Variants in DNER observed in about 807,000 individuals in gnomAD.
DNER encodes the protein delta and Notch-like epidermal growth factor-related receptor.
In DNER, 33 loss-of-function variants were observed where a neutral mutation model predicts 78.2. That is an observed-to-expected ratio of 0.42 (90% CI 0.32 to 0.56). DNER has a LOEUF of 0.56. DNER is among the 20% of genes least tolerant of loss of function. DNER has a pLI of 0.11. For synonymous variants in DNER, 417 were observed against 384.8 expected, an observed-to-expected ratio of 1.08 and a Z score of -0.98; for missense variants, 918 against 975.3, an observed-to-expected ratio of 0.94 and a Z score of 0.78.
intron 5 of DNER, among the ~76,000 whole-genome samples, chr2:229,530,803 A>AAG (rs1696286796): frequency 6.6e-6 from 1 of 152,240 alleles, no homozygotes; most frequent in Admixed American, 6.5e-5. Flanking sequence ...CTTAGCCTTC[A>AAG]AATGCTCATT....
At chr2:229,415,689 T>G (rs1264175283) in intron 9 of DNER, among the ~76,000 whole-genome samples, 1 of 152,248 alleles carries the variant, frequency 6.6e-6, no homozygotes, top group East Asian at 1.9e-4. Flanking sequence ...CGATGCTTAT[T>G]AAGGTACTTA....
At chr2:229,460,074 G>A (rs1694661339) in intron 7 of DNER, among the ~76,000 whole-genome samples, 1 of 146,732 alleles carries the variant, frequency 6.8e-6, no homozygotes, top group African/African-American at 2.5e-5. Context: ...GGAGAATGGC[G>A]TGAACCTGGG....
intron 1 of DNER, among the ~76,000 whole-genome samples, chr2:229,674,374 G>T (rs1220227862): frequency 6.6e-6 from 1 of 152,186 alleles, no homozygotes; most frequent in African/African-American, 2.4e-5. Context: ...CGCCTCCTGG[G>T]TTTAAGCGAT....
At chr2:229,671,324 C>G (rs1049422927) in intron 1 of DNER, among the ~76,000 whole-genome samples, 7 of 152,170 alleles carry the variant, frequency 4.6e-5, no homozygotes, top group Non-Finnish European at 1.0e-4. Context: ...CAAGCTTGTC[C>G]TCACTCAGGG....
chr2:229,492,950 C>A (rs372865620), intron 6 of DNER, among the ~76,000 whole-genome samples: 3 of 152,254 alleles, frequency 2.0e-5, no homozygotes, highest in South Asian at 4.1e-4. Context: ...GGATTAGAGA[C>A]CTGAGCCACC....
At chr2:229,710,439 A>T (rs1699892320) in intron 1 of DNER, among the ~76,000 whole-genome samples, 1 of 152,136 alleles carries the variant, frequency 6.6e-6, no homozygotes, top group Non-Finnish European at 1.5e-5. Context: ...TGGGACAGTC[A>T]CTTCACTTTT....
intron 7 of DNER, among the ~76,000 whole-genome samples, chr2:229,448,152 G>T (rs1694377799): frequency 6.6e-6 from 1 of 151,610 alleles, no homozygotes; most frequent in Non-Finnish European, 1.5e-5. Context: ...AAACAAAAGT[G>T]ATCTACCCAC....
chr2:229,496,820 A>T (rs946480715), intron 6 of DNER, among the ~76,000 whole-genome samples: 1 of 152,236 alleles, frequency 6.6e-6, no homozygotes, highest in African/African-American at 2.4e-5. Context: ...ATATTAATAT[A>T]TCTGAAGGAA....
rs61031913 is a variant in DNER, at chr2:229,499,618, G to GAA, written c.1147+13163_1147+13164dup. Among the ~76,000 whole-genome samples, 48 of 145,054 alleles carry GAA rather than the reference G, an allele frequency of 3.3e-4. 1 individual carries two copies. Among genetic ancestry groups the GAA allele is most frequent in the East Asian group, 1.4e-3 (7 of 4,902 alleles). ...ATATCAGACCTGAAACTGTTAAACA[G>GAA]AAAAAAAAAAATAGAAGAGCTCTGT... On this transcript the variant is annotated intron_variant, in intron 6 of 12. Transcript: ENST00000341772.
intron 9 of DNER, among the ~76,000 whole-genome samples, chr2:229,410,445 G>C (rs1015776601): frequency 1.3e-5 from 2 of 152,190 alleles, no homozygotes; most frequent in Non-Finnish European, 2.9e-5. Flanking sequence ...CACAGGTGAG[G>C]CTGCCAGAGG....
At chr2:229,665,926 A>G (rs186432631) in intron 1 of DNER, among the ~76,000 whole-genome samples, 1 of 152,034 alleles carries the variant, frequency 6.6e-6, no homozygotes, top group African/African-American at 2.4e-5. Context: ...TCTCAACTCA[A>G]TTCCAATCAC....
intron 3 of DNER, chr2:229,586,897 T>A (rs549915199): frequency 1.0e-6 from 1 of 985,486 alleles, no homozygotes; most frequent in African/African-American, 1.7e-5. Flanking sequence ...TCAGTAAAGC[T>A]TTGATCAGTG....
chr2:229,588,706 C>G (rs1697545501), intron 2 of DNER, among the ~76,000 whole-genome samples: 1 of 152,192 alleles, frequency 6.6e-6, no homozygotes, highest in Non-Finnish European at 1.5e-5. Flanking sequence ...TGAGAGCAAT[C>G]TACAAATTCC....
At chr2:229,404,401 T>C (rs1693336547) in intron 10 of DNER, among the ~76,000 whole-genome samples, 1 of 145,662 alleles carries the variant, frequency 6.9e-6, no homozygotes, top group East Asian at 1.9e-4. Context: ...CAGCTACTTA[T>C]AAAACCATCA....
chr2:229,706,490 G>A (rs1002284037), intron 1 of DNER, among the ~76,000 whole-genome samples: 3 of 150,632 alleles, frequency 2.0e-5, no homozygotes, highest in African/African-American at 7.4e-5. Context: ...TTGAATATGA[G>A]AGGTGGAGGC....
intron 6 of DNER, among the ~76,000 whole-genome samples, chr2:229,510,243 C>T (rs745701754): frequency 2.6e-5 from 4 of 152,188 alleles, no homozygotes; most frequent in Non-Finnish European, 5.9e-5. Flanking sequence ...GGATTTCAAT[C>T]GTTGTTCAAA....
Position 229,567,948 on chromosome 2 carries a change from C to T in DNER, c.847+17910G>A, listed in dbSNP as rs780819700. On this transcript the variant is annotated intron_variant, in intron 4 of 12. Transcript: ENST00000341772. ...CAATGCAGCAAATTAAAAATTCAATCCCTCTCCCTCACAGTCTTTACTGTC... is the reference window on the plus strand; with the variant it reads ...CAATGCAGCAAATTAAAAATTCAATTCCTCTCCCTCACAGTCTTTACTGTC... Among the ~76,000 whole-genome samples, 30 of 152,290 alleles carry T rather than the reference C, an allele frequency of 2.0e-4. 1 individual carries two copies. The highest frequency in any genetic ancestry group is 6.8e-3 in the Middle Eastern group (2 of 294).
At chr2:229,600,410 G>A (rs920233022) in intron 1 of DNER, among the ~76,000 whole-genome samples, 2 of 152,324 alleles carry the variant, frequency 1.3e-5, no homozygotes, top group African/African-American at 4.8e-5. Flanking sequence ...AAAACAGGTA[G>A]GTGGGGGTCA....
At chr2:229,492,511 T>C (rs1333651971) in intron 6 of DNER, among the ~76,000 whole-genome samples, 1 of 152,146 alleles carries the variant, frequency 6.6e-6, no homozygotes, top group Non-Finnish European at 1.5e-5. Flanking sequence ...GACTCAAAGA[T>C]GGGCCCCGAG....
Sources: gnomAD v4.1 joint callset for allele counts (sites outside exome capture counted in the v4.1 genomes callset) on GRCh38, gnomAD v4.1.1 for gene constraint, MANE v1.5 for transcripts, NCBI Gene and HGNC (gene_info 2026-07-23, HGNC 2026-07-21) for gene names.